Variants in MAP4K4 observed in about 807,000 individuals in gnomAD.
The protein encoded by MAP4K4 is mitogen-activated protein kinase kinase kinase kinase 4.
Under a neutral mutation model 189.6 loss-of-function variants are expected in MAP4K4, and 38 were observed. The ratio of observed to expected loss-of-function variants is 0.20; its 90% CI spans 0.15 to 0.26. MAP4K4 has a LOEUF of 0.26. Among genes scored for constraint, MAP4K4 ranks in the 10% least tolerant of loss-of-function variants. The pLI is 1.00. For synonymous variants in MAP4K4, 610 were observed against 624.3 expected, an observed-to-expected ratio of 0.98 and a Z score of 0.34; for missense variants, 1,054 against 1,726.9, an observed-to-expected ratio of 0.61 and a Z score of 6.91.
chr2:101,822,535 T>G (rs567436364), intron 3 of MAP4K4, among the ~76,000 whole-genome samples: 1 of 152,368 alleles, frequency 6.6e-6, no homozygotes, highest in Non-Finnish European at 1.5e-5. Flanking sequence ...TTTTAAAAAT[T>G]ATTTTTCCCA....
In MAP4K4 at chr2:101,719,913, G is replaced by A. The variant is rs1206322147; in HGVS notation, c.123+21375G>A. Among the ~76,000 whole-genome samples the A allele has an allele frequency of 2.6e-5, 4 of 152,118 alleles. No individual in the cohort carries two copies. The East Asian group carries it at 7.9e-4, about 30-fold the overall frequency. On this transcript the variant is annotated intron_variant, in intron 2 of 32. Transcript: ENST00000324219. ...TGTAGTCCCAGCTACTTGGGAGGCT[G>A]AGGCAGGAGAATTGCTTGTACCTGG...
chr2:101,825,766 G>A (rs1423254035), intron 5 of MAP4K4, among the ~76,000 whole-genome samples: 1 of 152,162 alleles, frequency 6.6e-6, no homozygotes, highest in African/African-American at 2.4e-5. Flanking sequence ...GTTTTTAAAG[G>A]AATTCTGTGT....
intron 2 of MAP4K4, among the ~76,000 whole-genome samples, chr2:101,717,632 T>C (rs1258419160): frequency 6.6e-6 from 1 of 152,196 alleles, no homozygotes; most frequent in Non-Finnish European, 1.5e-5. Flanking sequence ...GGGTGGCACA[T>C]GGGACTGTCT....
chr2:101,870,336 A>G (rs1355304351), exon 23 of MAP4K4: 1 of 1,613,462 alleles, frequency 6.2e-7, no homozygotes, highest in African/African-American at 1.3e-5. Context: ...GAATCTGTGA[A>G]AACCATGATT....
chr2:101,814,618 T>C lies in MAP4K4; in HGVS notation c.181-9310T>C, dbSNP rs150821168. 9.8e-5 allele frequency among the ~76,000 whole-genome samples: 15 copies of C among 152,344 alleles called. No individual in the cohort carries two copies. The East Asian group carries it at 2.7e-3, about 27-fold the overall frequency. ...TAAGGCTTTTTTCCTTGTTACCATATTGGCAGACTATAGCAAATTTCCATT... is the reference window on the plus strand; with the variant it reads ...TAAGGCTTTTTTCCTTGTTACCATACTGGCAGACTATAGCAAATTTCCATT... On this transcript the variant is annotated intron_variant, in intron 3 of 32. Coordinates refer to ENST00000324219, the Ensembl canonical transcript of MAP4K4.
At chr2:101,855,880 A>T (rs573087855) in intron 12 of MAP4K4, 97 bp from the exon 13 acceptor site, 2 of 1,224,496 alleles carry the variant, frequency 1.6e-6, no homozygotes, top group East Asian at 5.1e-5. Context: ...ACCTCACCTC[A>T]TTAGTGTCCA....
rs188726537 is a variant in MAP4K4 at position 101,880,073 on chromosome 2, G to A, written c.3386-2478G>A. On this transcript the variant is annotated intron_variant, in intron 27 of 32. Transcript: ENST00000324219. ...TATTGTTGAGTTTTAAGAGTTCTTCGTGTATTTTGGATCTAAGTTTCTGAT... is the reference window on the plus strand; with the variant it reads ...TATTGTTGAGTTTTAAGAGTTCTTCATGTATTTTGGATCTAAGTTTCTGAT... 5.3e-5 allele frequency among the ~76,000 whole-genome samples: 8 copies of A among 152,120 alleles called. No individual in the cohort carries two copies. In the East Asian group the frequency reaches 1.5e-3, roughly 29 times the overall value.
intron 13 of MAP4K4, among the ~76,000 whole-genome samples, chr2:101,857,962 T>C (rs1278528161): frequency 6.6e-6 from 1 of 152,202 alleles, no homozygotes; most frequent in Non-Finnish European, 1.5e-5. Flanking sequence ...TCGTAGTCCT[T>C]CTTAGTCTAT....
At chr2:101,769,922 G>T (rs1363969539) in intron 2 of MAP4K4, among the ~76,000 whole-genome samples, 2 of 152,102 alleles carry the variant, frequency 1.3e-5, no homozygotes, top group Non-Finnish European at 2.9e-5. Context: ...ATTTGTTGGG[G>T]ATTATGTATT....
chr2:101,718,719 G>A (rs1157634658), intron 2 of MAP4K4, among the ~76,000 whole-genome samples: 1 of 152,094 alleles, frequency 6.6e-6, no homozygotes, highest in African/African-American at 2.4e-5. Context: ...CTACTTTCCT[G>A]TGTCTTCCTC....
At chr2:101,817,877 A>G (rs966210456) in intron 3 of MAP4K4, among the ~76,000 whole-genome samples, 2 of 151,930 alleles carry the variant, frequency 1.3e-5, no homozygotes, top group Non-Finnish European at 2.9e-5. Context: ...TTTTATTGAG[A>G]CTGATTGATC....
chr2:101,803,478 A>C (rs2094590142), intron 3 of MAP4K4, among the ~76,000 whole-genome samples: 1 of 152,200 alleles, frequency 6.6e-6, no homozygotes, highest in Non-Finnish European at 1.5e-5. Context: ...AAAATGGTGA[A>C]GTCTTTTAAA....
At chr2:101,725,407 CAAAA>C (rs201929026) in intron 2 of MAP4K4, among the ~76,000 whole-genome samples, 22 of 141,022 alleles carry the variant, frequency 1.6e-4, no homozygotes, top group African/African-American at 5.1e-4. Context: ...AAAACAAAAA[CAAAA>C]AAAAACCAAA....
chr2:101,705,716 G>T (rs759900277), intron 2 of MAP4K4, among the ~76,000 whole-genome samples: 1 of 152,128 alleles, frequency 6.6e-6, no homozygotes, highest in Non-Finnish European at 1.5e-5. Flanking sequence ...ATCTTGCTGT[G>T]GTCAGCAGAC....
At chr2:101,891,994 A>G (rs1272979822) in exon 33 of MAP4K4, 1 of 148,424 alleles carries the variant, frequency 6.7e-6, no homozygotes, top group African/African-American at 2.5e-5. Flanking sequence ...TTCTAAAAAA[A>G]AAAAAAAAAA....
chr2:101,743,297 A>C (rs1469727573), intron 2 of MAP4K4, among the ~76,000 whole-genome samples: 1 of 152,088 alleles, frequency 6.6e-6, no homozygotes, highest in Non-Finnish European at 1.5e-5. Flanking sequence ...TGGGGGGTTT[A>C]CATTTGGTAA....
chr2:101,791,029 G>T (rs2092797629), intron 3 of MAP4K4, among the ~76,000 whole-genome samples: 1 of 152,040 alleles, frequency 6.6e-6, no homozygotes, highest in Admixed American at 6.6e-5. Flanking sequence ...TGTCATCCTT[G>T]GCAACGTAAT....
chr2:101,863,676 T>A, intron 16 of MAP4K4, 145 bp from the exon 17 acceptor site: 1 of 438,672 alleles, frequency 2.3e-6, no homozygotes, highest in Non-Finnish European at 4.7e-6. Context: ...GAAGTGTAAC[T>A]GTTTCACTGC....
chr2:101,739,965 A>G (rs1040541308), intron 2 of MAP4K4, among the ~76,000 whole-genome samples: 3 of 152,110 alleles, frequency 2.0e-5, no homozygotes, highest in South Asian at 2.1e-4. Flanking sequence ...GGGGAGGTCC[A>G]TTATTTTACA....
Sources: allele counts gnomAD v4.1 joint callset (sites outside exome capture counted in the v4.1 genomes callset), GRCh38; gene constraint gnomAD v4.1.1; transcripts MANE v1.5; gene names NCBI Gene and HGNC (gene_info 2026-07-23, HGNC 2026-07-21).